Variants in RPS6KC1 observed in about 807,000 individuals in gnomAD.
RPS6KC1 encodes the protein inactive ribosomal protein S6 kinase delta-1.
Under a neutral mutation model 103.8 loss-of-function variants are expected in RPS6KC1, and 54 were observed. The observed-to-expected ratio is 0.52, with a 90% confidence interval of 0.42 to 0.65. The LOEUF (loss-of-function observed/expected upper bound fraction) is 0.65. Among genes scored for constraint, RPS6KC1 ranks in the 30% least tolerant of loss-of-function variants. RPS6KC1 has a pLI of 0.00. For missense variants in RPS6KC1, 1,151 were observed against 1,253.8 expected (o/e 0.92, Z 1.24); for synonymous variants, 439 against 438.7 (o/e 1.00, Z -0.01).
At position 213,262,756 on chromosome 1, in the gene RPS6KC1, T is replaced by G. The variant is rs368418495; in HGVS notation, c.3030T>G (p.Thr1010=). ...AATGCCATCCAGCAGGAATAAATACTCACACTACTTTGAACATGCCAGAAT... is the reference window on the plus strand; with the variant it reads ...AATGCCATCCAGCAGGAATAAATACGCACACTACTTTGAACATGCCAGAAT... The part of the protein sequence containing the change: ...LVECHPAGIN[T]HTTLNMPECV... Residue 1010 remains threonine, a synonymous_variant, in exon 14 of 15, where the codon ACT becomes ACG. Transcript: ENST00000366960. 27 of 1,613,014 alleles carry G rather than the reference T, an allele frequency of 1.7e-5. No individual in the cohort carries two copies. In the African/African-American group the frequency reaches 3.1e-4, roughly 18 times the overall value.
At chr1:213,155,092 G>T (rs1290270720) in intron 6 of RPS6KC1, among the ~76,000 whole-genome samples, 1 of 152,198 alleles carries the variant, frequency 6.6e-6, no homozygotes, top group Non-Finnish European at 1.5e-5. Context: ...TCTGACCAGT[G>T]CCCTATCTTG....
Position 213,051,415 on chromosome 1 carries a change from A to AC in RPS6KC1, c.13dup (p.Arg5ProfsTer27), listed in dbSNP as rs768385756. On this transcript the variant is annotated frameshift_variant, in exon 1 of 15. Coordinates refer to ENST00000366960, the MANE Select transcript of RPS6KC1 (RefSeq NM_012424.6). LOFTEE classifies it high-confidence loss of function. The stretch of plus-strand genomic sequence containing the variant: ...AGAGGCGGCGGGAGGATGACCTCTT[A>AC]CCGGGAGCGGAGTGCCGACCTGGCC... The AC allele has an allele frequency of 7.4e-6, 12 of 1,612,576 alleles. No individual in the cohort carries two copies. The highest frequency in any genetic ancestry group is 9.3e-6 in the Non-Finnish European group (11 of 1,179,470).
the RPS6KC1 span, among the ~76,000 whole-genome samples, chr1:213,560,570 G>A: frequency 6.6e-6 from 1 of 152,128 alleles, no homozygotes; most frequent in African/African-American, 2.4e-5. Flanking sequence ...TTTTCCCAGA[G>A]CCTACATATG....
At chr1:213,457,324 T>C in the RPS6KC1 span, among the ~76,000 whole-genome samples, 1 of 152,264 alleles carries the variant, frequency 6.6e-6, no homozygotes, top group African/African-American at 2.4e-5. Flanking sequence ...CCGTGCTCTC[T>C]GGGGATTCCA....
the RPS6KC1 span, among the ~76,000 whole-genome samples, chr1:213,513,954 T>C: frequency 1.3e-5 from 2 of 152,206 alleles, no homozygotes; most frequent in Admixed American, 6.5e-5. Context: ...GTCTCCATGT[T>C]GCTTGTGGTT....
the RPS6KC1 span, among the ~76,000 whole-genome samples, chr1:213,616,427 T>C: frequency 6.6e-6 from 1 of 152,028 alleles, no homozygotes. Context: ...CGCTGATGCA[T>C]GGCAGGGAGT....
chr1:213,197,757 A>G (rs2093006156), intron 8 of RPS6KC1, among the ~76,000 whole-genome samples: 1 of 152,138 alleles, frequency 6.6e-6, no homozygotes, highest in African/African-American at 2.4e-5. Context: ...TTTGTCTGCT[A>G]TATAAGTAGT....
chr1:213,773,630 T>C, the RPS6KC1 span, among the ~76,000 whole-genome samples: 37,415 of 151,586 alleles, frequency 0.25, 4,822 homozygotes, highest in Middle Eastern at 0.33. Context: ...ATGTTTGTGG[T>C]GACTGGCAAG....
the RPS6KC1 span, among the ~76,000 whole-genome samples, chr1:213,450,333 A>ATTTTTTTTT: frequency 7.2e-6 from 1 of 138,054 alleles, no homozygotes; most frequent in African/African-American, 2.6e-5. Flanking sequence ...GAGTTTGTAG[A>ATTTTTTTTT]TTTTTTTTTT....
chr1:213,297,884 T>G, the RPS6KC1 span, among the ~76,000 whole-genome samples: 5 of 152,248 alleles, frequency 3.3e-5, no homozygotes, highest in African/African-American at 1.2e-4. Context: ...CCCAAAGGGC[T>G]GGCATTACAG....
the RPS6KC1 span, among the ~76,000 whole-genome samples, chr1:213,722,128 G>A: frequency 6.6e-6 from 1 of 152,216 alleles, no homozygotes; most frequent in South Asian, 2.1e-4. Flanking sequence ...GGCAGAAAAA[G>A]GCAGCTCCAT....
chr1:213,299,979 G>A, the RPS6KC1 span, among the ~76,000 whole-genome samples: 55 of 152,088 alleles, frequency 3.6e-4, no homozygotes, highest in Non-Finnish European at 6.5e-4. Context: ...TAATTTTTTT[G>A]TATTTTTAGT....
chr1:213,737,015 G>A, the RPS6KC1 span, among the ~76,000 whole-genome samples: 28 of 152,340 alleles, frequency 1.8e-4, no homozygotes, highest in Non-Finnish European at 3.5e-4. Context: ...GCTCCCTCCC[G>A]TGTTCCACCA....
chr1:213,082,329 G>A (rs1420619989), intron 3 of RPS6KC1, among the ~76,000 whole-genome samples: 1 of 152,162 alleles, frequency 6.6e-6, no homozygotes, highest in African/African-American at 2.4e-5. Flanking sequence ...TACTCAGGCG[G>A]CTGAGGCAGG....
At chr1:213,384,326 A>C in the RPS6KC1 span, among the ~76,000 whole-genome samples, 1 of 152,086 alleles carries the variant, frequency 6.6e-6, no homozygotes, top group Non-Finnish European at 1.5e-5. Flanking sequence ...TTTGGCACAT[A>C]GTAAAGAAAA....
chr1:213,792,121 T>C, the RPS6KC1 span, among the ~76,000 whole-genome samples: 1 of 152,050 alleles, frequency 6.6e-6, no homozygotes, highest in East Asian at 1.9e-4. Context: ...CCTCCTGCTC[T>C]ACCGCCCATG....
At chr1:213,283,275 T>C in the RPS6KC1 span, among the ~76,000 whole-genome samples, 1 of 152,218 alleles carries the variant, frequency 6.6e-6, no homozygotes, top group Non-Finnish European at 1.5e-5. Context: ...CTGCTCCTGC[T>C]GTTGCTGGGA....
chr1:213,698,089 G>A, the RPS6KC1 span, among the ~76,000 whole-genome samples: 1 of 152,078 alleles, frequency 6.6e-6, no homozygotes, highest in Non-Finnish European at 1.5e-5. Flanking sequence ...TTTATGATGG[G>A]TTTATAGAAA....
intron 4 of RPS6KC1, among the ~76,000 whole-genome samples, chr1:213,112,577 ATTATAC>A (rs1302810926): frequency 6.6e-6 from 1 of 150,558 alleles, no homozygotes; most frequent in Non-Finnish European, 1.5e-5. Context: ...ATTTATTATT[ATTATAC>A]TTTAAGTTTT....
Sources: allele counts gnomAD v4.1 joint callset (sites outside exome capture counted in the v4.1 genomes callset), GRCh38; gene constraint gnomAD v4.1.1; transcripts MANE v1.5; gene names NCBI Gene and HGNC (gene_info 2026-07-23, HGNC 2026-07-21).